Variants in DERL1 observed in about 807,000 individuals in gnomAD.
DERL1 encodes derlin 1.
DERL1 carries 24 observed loss-of-function variants against 41.6 expected under a neutral mutation model. That is an observed-to-expected ratio of 0.58 (90% CI 0.42 to 0.81). The LOEUF is 0.81. Among genes scored for constraint, DERL1 ranks in the 30% least tolerant of loss-of-function variants. The pLI is 0.00. For synonymous variants in DERL1, 124 were observed against 112.5 expected (o/e 1.10, Z -0.65); for missense variants, 260 against 314.3 (o/e 0.83, Z 1.31).
rs1454018562 is a variant in DERL1 at position 123,014,444 on chromosome 8, A to G, written c.*1003T>C. The G allele has an allele frequency of 1.3e-5, 2 of 152,754 alleles. No homozygotes were observed. Among genetic ancestry groups the G allele is most frequent in the Non-Finnish European group, 2.9e-5 (2 of 68,068 alleles). The allele number at this position is 152,754 out of a possible 1,614,324, so 9.5% of individuals were successfully genotyped here. ...AAAACGGGGGATAGGCAAAAAAGTG[A>G]CATTTAAATAGCGTATGAGGGTCTC... On this transcript the variant is annotated 3_prime_UTR_variant, in exon 8 of 8. Transcript: ENST00000259512.
At chr8:123,041,897 G>T in intron 1 of DERL1, 73 bp downstream of exon 1, 1 of 1,470,860 alleles carries the variant, frequency 6.8e-7, no homozygotes. Flanking sequence ...CCCGCAACAT[G>T]CCAGCCTACG....
chr8:123,030,827 G>T, intron 1 of DERL1, 111 bp from the exon 2 acceptor site: 1 of 726,094 alleles, frequency 1.4e-6, no homozygotes, highest in Non-Finnish European at 2.3e-6. Flanking sequence ...AGGTGTGAAA[G>T]TGATCCTACC....
At chr8:123,030,511 G>A (rs1812798798) in intron 2 of DERL1, 94 bp downstream of exon 2, 2 of 866,122 alleles carry the variant, frequency 2.3e-6, no homozygotes, top group Middle Eastern at 4.8e-4. Context: ...GTTTCTTTTT[G>A]TAATGCTAAC....
chr8:123,039,533 T>G (rs1458336715), intron 1 of DERL1, among the ~76,000 whole-genome samples: 2 of 152,180 alleles, frequency 1.3e-5, no homozygotes, highest in Non-Finnish European at 2.9e-5. Flanking sequence ...TTCTGAGCCT[T>G]TCACTTACTA....
chr8:123,036,674 C>T (rs1812935829), intron 1 of DERL1, among the ~76,000 whole-genome samples: 1 of 152,166 alleles, frequency 6.6e-6, no homozygotes, highest in Non-Finnish European at 1.5e-5. Flanking sequence ...AACTGTTCAA[C>T]ATGGACAGGA....
intron 7 of DERL1, chr8:123,018,515 G>A (rs1241611331): frequency 6.6e-6 from 1 of 152,176 alleles, no homozygotes; most frequent in East Asian, 1.9e-4. Context: ...CAATTTACAG[G>A]CTTGCAAACT....
chr8:123,020,488 A>G (rs1042266632), intron 6 of DERL1, among the ~76,000 whole-genome samples: 2 of 152,066 alleles, frequency 1.3e-5, no homozygotes, highest in African/African-American at 2.4e-5. Flanking sequence ...TTGAAAAAAT[A>G]AATAAGTAAA....
Position 123,015,382 on chromosome 8 carries a change from GT to G in DERL1, c.*64del. The G allele has an allele frequency of 6.3e-7, 1 of 1,579,840 alleles. No homozygotes were observed. On this transcript the variant is annotated 3_prime_UTR_variant, in exon 8 of 8. Coordinates refer to ENST00000259512, the MANE Select transcript of DERL1 (RefSeq NM_024295.6). ...CAACAGTGTTAGCCAGAACGCAGTT[GT>G]TAAGTGCACCCAGCACTGGGAGGAA...
rs183837228 is a variant in DERL1 at position 123,014,041 on chromosome 8, G to A, written c.*1406C>T. On this transcript the variant is annotated 3_prime_UTR_variant, in exon 8 of 8. Coordinates refer to ENST00000259512, the MANE Select transcript of DERL1 (RefSeq NM_024295.6). Reference sequence around the variant, plus strand: ...TTCCTGAAAAGAAACTGATCAAAACGTTTGAAGCCTTTTTAGTTGCCTCAA... The same window carrying A: ...TTCCTGAAAAGAAACTGATCAAAACATTTGAAGCCTTTTTAGTTGCCTCAA... The A allele has an allele frequency of 2.4e-3, 361 of 152,260 alleles. 3 individuals carry two copies. The highest frequency in any genetic ancestry group is 7.6e-3 in the African/African-American group (315 of 41,540). 9.4% of individuals were successfully genotyped at this position (152,260 alleles called of 1,614,324 possible). A position where few individuals can be genotyped will look rare whatever the true frequency, so the allele number is the denominator to read the frequency against.
At chr8:123,025,168 C>T in intron 2 of DERL1, 118 bp from the exon 3 acceptor site, 2 of 1,031,480 alleles carry the variant, frequency 1.9e-6, no homozygotes, top group Non-Finnish European at 2.8e-6. Flanking sequence ...TTTTAAAAAC[C>T]ACTCCTCTCT....
intron 2 of DERL1, among the ~76,000 whole-genome samples, chr8:123,030,064 T>A (rs1001219237): frequency 5.7e-5 from 8 of 141,280 alleles, no homozygotes; most frequent in East Asian, 4.3e-4. Context: ...TCTCAAAAAA[T>A]AAATAAATAA....
At chr8:123,031,246 G>T (rs1054291040) in intron 1 of DERL1, among the ~76,000 whole-genome samples, 2 of 152,022 alleles carry the variant, frequency 1.3e-5, no homozygotes, top group Non-Finnish European at 2.9e-5. Flanking sequence ...CATAAGAAGG[G>T]TCTAAAGTAA....
At chr8:123,038,980 G>A (rs1484975020) in intron 1 of DERL1, among the ~76,000 whole-genome samples, 2 of 152,124 alleles carry the variant, frequency 1.3e-5, no homozygotes, top group African/African-American at 2.4e-5. Flanking sequence ...TCCCAACCCA[G>A]GTATCCCTGA....
intron 7 of DERL1, chr8:123,015,865 C>T (rs1297095842): frequency 6.9e-6 from 2 of 289,702 alleles, no homozygotes; most frequent in African/African-American, 4.3e-5. Context: ...GTAATCCATG[C>T]AGAACAGTAT....
At position 123,022,666 on chromosome 8, in the gene DERL1, C is replaced by G. The variant is rs772261643; in HGVS notation, c.453+18G>C. On this transcript the variant is annotated intron_variant, in intron 5 of 7. Transcript: ENST00000259512. The stretch of plus-strand genomic sequence containing the variant: ...GCAGACAAATGAAAAGGACACTTTT[C>G]CAACCAAGGCAAAGTACCTTAAATC... 6.2e-7 allele frequency: 1 copy of G among 1,612,538 alleles called. No individual in the cohort carries two copies.
chr8:123,031,074 C>T (rs1812808583), intron 1 of DERL1, among the ~76,000 whole-genome samples: 3 of 152,168 alleles, frequency 2.0e-5, no homozygotes, highest in South Asian at 2.1e-4. Context: ...TACAGTAATG[C>T]CTCTATTTAG....
In DERL1 at chr8:123,042,090, G is replaced by A; in HGVS notation, c.33C>T (p.Ile11=). The A allele has an allele frequency of 1.9e-6, 3 of 1,613,704 alleles. No homozygotes were observed. The highest frequency in any genetic ancestry group is 2.5e-6 in the Non-Finnish European group (3 of 1,179,840). Residue 11 remains isoleucine, a synonymous_variant, in exon 1 of 8, where the codon ATC becomes ATT. Coordinates refer to ENST00000259512, the MANE Select transcript of DERL1 (RefSeq NM_024295.6). ...CGAACCAATAGCGCGTGATCGCCGG[G>A]ATGCTCCTGAACCAGTCTCCGATGT... MSDIGDWFRS[I]PAITRYWFAA...
At chr8:123,025,170 C>T (rs1355634479) in intron 2 of DERL1, 120 bp from the exon 3 acceptor site, 3 of 1,020,908 alleles carry the variant, frequency 2.9e-6, no homozygotes, top group Non-Finnish European at 2.8e-6. Flanking sequence ...TTAAAAACCA[C>T]TCCTCTCTAA....
Position 123,042,038 on chromosome 8 carries a change from C to T in DERL1, c.85G>A (p.Gly29Ser), listed in dbSNP as rs1173968960. The change falls in exon 1 of 8, where the codon GGC becomes AGC. Residue 29 changes from glycine (G) to serine (S), a missense_variant. Coordinates refer to ENST00000259512, the MANE Select transcript of DERL1 (RefSeq NM_024295.6). ...GCCGGGCTGATGAGGCCGAGTTTGC[C>T]GACCAAGGGCACGGCGACGGTGGCG... ...FAATVAVPLVGKLGLISPAYL... is the reference protein window; with the variant it reads ...FAATVAVPLVSKLGLISPAYL... 2.5e-6 allele frequency: 4 copies of T among 1,613,868 alleles called. No homozygotes were observed. The East Asian group carries it at 8.9e-5, about 36-fold the overall frequency.
Sources: allele counts gnomAD v4.1 joint callset (sites outside exome capture counted in the v4.1 genomes callset), GRCh38; gene constraint gnomAD v4.1.1; transcripts MANE v1.5; gene names NCBI Gene and HGNC (gene_info 2026-07-23, HGNC 2026-07-21).